EPHA8: variants seen among roughly 807,000 people sequenced by gnomAD.
The protein encoded by EPHA8 is ephrin type-A receptor 8.
Under a neutral mutation model 103.6 loss-of-function variants are expected in EPHA8, and 58 were observed. The observed-to-expected ratio is 0.56, with a 90% CI of 0.45 to 0.70. The LOEUF (loss-of-function observed/expected upper bound fraction) is 0.70. EPHA8 is among the 30% of genes least tolerant of loss of function. EPHA8 has a pLI of 0.00. For missense variants in EPHA8, 1,304 were observed against 1,395.2 expected (o/e 0.93, Z 1.04); for synonymous variants, 559 against 572.5 (o/e 0.98, Z 0.34).
intron 3 of EPHA8, among the ~76,000 whole-genome samples, chr1:22,582,702 C>T (rs1037726718): frequency 5.9e-5 from 9 of 152,278 alleles, no homozygotes; most frequent in Middle Eastern, 3.4e-3. Flanking sequence ...TCCACAACTC[C>T]GGATCCAGTG....
In EPHA8 at chr1:22,576,994, C is replaced by T; in HGVS notation, c.823+114C>T. 8.1e-7 allele frequency: 1 copy of T among 1,232,306 alleles called. No homozygotes were observed. The allele number at this position is 1,232,306 out of a possible 1,614,324, so 76.3% of individuals were successfully genotyped here. A position where few individuals can be genotyped will look rare whatever the true frequency, so the allele number is the denominator to read the frequency against. On this transcript the variant is annotated intron_variant, in intron 3 of 16. Transcript: ENST00000166244. This position sits in a 1 kb window ranked among gnomAD's most constrained non-coding sequence, Gnocchi z 4.8. ...CCCACAGGCACCTGAGTGACCCACA[C>T]AGCCCCTGGGAAGATGGATAAACCT...
rs1193659539 is a variant in EPHA8, at chr1:22,601,672, G to A, written c.2949G>A (p.Lys983=). The A allele has an allele frequency of 1.3e-6, 2 of 1,594,614 alleles. No individual in the cohort carries two copies. The highest frequency in any genetic ancestry group is 2.3e-5 in the South Asian group (2 of 88,226). The change falls in exon 17 of 17, where the codon AAG becomes AAA. Residue 983 remains lysine, a synonymous_variant. Coordinates refer to ENST00000166244, the MANE Select transcript of EPHA8 (RefSeq NM_020526.5). ...TCACCCTCATGGGCCACCAGAAGAA[G>A]ATCCTGGGCAGCATTCAGACCATGC... is the stretch of plus-strand genomic sequence containing the variant. ...LGITLMGHQK[K]ILGSIQTMRA... is the part of the protein sequence containing the mutation.
In EPHA8 at chr1:22,589,512, A is replaced by T. The variant is rs1040956282; in HGVS notation, c.1315+306A>T. 4 of 1,422,788 alleles carry T rather than the reference A, an allele frequency of 2.8e-6. No homozygotes were observed. Among genetic ancestry groups the T allele is most frequent in the Non-Finnish European group, 3.7e-6 (4 of 1,093,996 alleles). The allele number at this position is 1,422,788 out of a possible 1,614,324, so 88.1% of individuals were successfully genotyped here. On this transcript the variant is annotated intron_variant, in intron 5 of 16. Coordinates refer to ENST00000166244, the MANE Select transcript of EPHA8 (RefSeq NM_020526.5). The surrounding 1 kb of genome is among the most constrained non-coding windows in gnomAD (Gnocchi z 4.3). ...TTTCCTCCCTGGTGCAATGGGAATAATAGTACCTGCCTGAGGTCCTCTCAG... is the reference window on the plus strand; with the variant it reads ...TTTCCTCCCTGGTGCAATGGGAATATTAGTACCTGCCTGAGGTCCTCTCAG...
In EPHA8 at chr1:22,597,764, C is replaced by T; in HGVS notation, c.2019C>T (p.Tyr673=). 6.2e-7 allele frequency: 1 copy of T among 1,613,232 alleles called. No homozygotes were observed. Among genetic ancestry groups the T allele is most frequent in the Non-Finnish European group, 8.5e-7 (1 of 1,180,002 alleles). The part of the protein sequence containing the change: ...PVAIKALKAG[Y]TERQRRDFLS... ...CCATCAAGGCCCTCAAAGCCGGCTA[C>T]ACGGAGAGACAGAGGCGGGACTTCC... The change falls in exon 11 of 17, where the codon TAC becomes TAT. Residue 673 remains tyrosine, a synonymous_variant. Coordinates refer to ENST00000166244, the MANE Select transcript of EPHA8 (RefSeq NM_020526.5). This position sits in a 1 kb window ranked among gnomAD's most constrained non-coding sequence, Gnocchi z 4.6.
intron 2 of EPHA8, among the ~76,000 whole-genome samples, chr1:22,574,377 G>A (rs983854151): frequency 4.6e-5 from 7 of 152,202 alleles, no homozygotes; most frequent in Non-Finnish European, 8.8e-5. Context: ...GTGACATGTA[G>A]TGCATTCACA....
chr1:22,585,272 G>A (rs936123156), intron 3 of EPHA8, among the ~76,000 whole-genome samples: 1 of 152,120 alleles, frequency 6.6e-6, no homozygotes, highest in African/African-American at 2.4e-5. Flanking sequence ...CTCCAAGTGG[G>A]TTTTGGCTGG....
chr1:22,586,463 C>T lies in EPHA8; in HGVS notation c.824-17C>T, dbSNP rs371407590. ...GTGGCCCTGCTGGCTCATGTGCAGC[C>T]GCCTTCTCCTCCACAGCCTGTGAGC... is the stretch of plus-strand genomic sequence containing the variant. On this transcript the variant is annotated splice_polypyrimidine_tract_variant and intron_variant, in intron 3 of 16. Transcript: ENST00000166244. 101 of 1,611,260 alleles carry T rather than the reference C, an allele frequency of 6.3e-5. No individual in the cohort carries two copies. In the Admixed American group the frequency reaches 6.5e-4, roughly 10 times the overall value.
At position 22,569,554 on chromosome 1, in the gene EPHA8, C is replaced by T. The variant is rs893062911; in HGVS notation, c.159+201C>T. On this transcript the variant is annotated intron_variant, in intron 2 of 16. Coordinates refer to ENST00000166244, the MANE Select transcript of EPHA8 (RefSeq NM_020526.5). This position sits in a 1 kb window ranked among gnomAD's most constrained non-coding sequence, Gnocchi z 4.5. ...GACCCTTGAGATTACAGAACCAACCCTGGCACCAGATCCCTGATTCTTCAA... is the reference window on the plus strand; with the variant it reads ...GACCCTTGAGATTACAGAACCAACCTTGGCACCAGATCCCTGATTCTTCAA... 6.6e-6 allele frequency among the ~76,000 whole-genome samples: 1 copy of T among 152,228 alleles called. No homozygotes were observed. The highest frequency in any genetic ancestry group is 2.4e-5 in the African/African-American group (1 of 41,460).
At position 22,589,630 on chromosome 1, in the gene EPHA8, A is replaced by T; in HGVS notation, c.1315+424A>T. 8.1e-7 allele frequency: 1 copy of T among 1,228,992 alleles called. No individual in the cohort carries two copies. Among genetic ancestry groups the T allele is most frequent in the Non-Finnish European group, 1.0e-6 (1 of 986,050 alleles). 76.1% of individuals were successfully genotyped at this position (1,228,992 alleles called of 1,614,324 possible). ...GTCATTAAAAAATAAAATCACTCGG[A>T]TGATCATTTTCCAGAACAGCTGCTA... On this transcript the variant is annotated intron_variant, in intron 5 of 16. Transcript: ENST00000166244. The surrounding 1 kb of genome is among the most constrained non-coding windows in gnomAD (Gnocchi z 4.3).
rs1329029887 is a variant in EPHA8, at chr1:22,563,546, G to A, written c.-90G>A. On this transcript the variant is annotated 5_prime_UTR_variant, in exon 1 of 17. Coordinates refer to ENST00000166244, the MANE Select transcript of EPHA8 (RefSeq NM_020526.5). The surrounding 1 kb of genome is among the most constrained non-coding windows in gnomAD (Gnocchi z 4.4). ...GTGCGCCCGGCCGGGTGTGCGGAGA[G>A]CGAGGGAGCGCGCTCCCTCCCGACG... is the stretch of plus-strand genomic sequence containing the variant. 2 of 146,252 alleles carry A rather than the reference G, an allele frequency of 1.4e-5. No homozygotes were observed. The highest frequency in any genetic ancestry group is 4.0e-4 in the East Asian group (2 of 5,038). 9.1% of individuals were successfully genotyped at this position (146,252 alleles called of 1,614,324 possible).
chr1:22,597,512 GGGGCAAGGTGGGGGCACCCA>G lies in EPHA8; in HGVS notation c.1930+62_1930+81del, dbSNP rs765845041. On this transcript the variant is annotated intron_variant, in intron 10 of 16. Transcript: ENST00000166244. This position sits in a 1 kb window ranked among gnomAD's most constrained non-coding sequence, Gnocchi z 4.6. ...GGGGTTGTGAGGGCGGGGCCAGCAT[GGGGCAAGGTGGGGGCACCCA>G]GGGCAAGGTGGGGGCACCCAGGGCA... The G allele has an allele frequency of 3.8e-5, 60 of 1,598,392 alleles. 1 individual carries two copies. The highest frequency in any genetic ancestry group is 1.7e-4 in the Middle Eastern group (1 of 6,000).
chr1:22,578,781 G>T (rs1045081488), intron 3 of EPHA8, among the ~76,000 whole-genome samples: 10 of 151,448 alleles, frequency 6.6e-5, no homozygotes, highest in Admixed American at 3.3e-4. Flanking sequence ...GTGTACGTGT[G>T]GGCATATGTA....
Position 22,586,615 on chromosome 1 carries a change from C to A in EPHA8, c.959C>A (p.Pro320Gln). The change falls in exon 4 of 17, where the codon CCG becomes CAG. Residue 320 changes from proline to glutamine, a missense_variant. Physicochemically the swap from Pro to Gln is moderately conservative, Grantham distance 76. Coordinates refer to ENST00000166244, the MANE Select transcript of EPHA8 (RefSeq NM_020526.5). ...AGCTACTACCGTGCAGCCCTGGACCCGCCGTCCTCAGCCTGCACCCGTGAG... is the reference window on the plus strand; with the variant it reads ...AGCTACTACCGTGCAGCCCTGGACCAGCCGTCCTCAGCCTGCACCCGTGAG... Reference protein sequence around the residue: ...DLSYYRAALDPPSSACTRPPS... With the variant: ...DLSYYRAALDQPSSACTRPPS... 1 of 1,613,930 alleles carries A rather than the reference C, an allele frequency of 6.2e-7. No individual in the cohort carries two copies. The highest frequency in any genetic ancestry group is 1.1e-5 in the South Asian group (1 of 91,074).
intron 1 of EPHA8, among the ~76,000 whole-genome samples, chr1:22,566,181 C>T (rs1019840127): frequency 7.9e-5 from 12 of 152,236 alleles, no homozygotes; most frequent in African/African-American, 2.4e-4. Flanking sequence ...AGACGCCCCC[C>T]GGACCCCTGC....
intron 4 of EPHA8, 145 bp downstream of exon 4, chr1:22,586,780 T>TAGG: frequency 1.1e-6 from 1 of 923,630 alleles, no homozygotes; most frequent in Non-Finnish European, 1.6e-6. Context: ...CAGTCTGAGG[T>TAGG]GGGGGGGGTG....
Position 22,601,767 on chromosome 1 carries a change from C to T in EPHA8, c.*26C>T. On this transcript the variant is annotated 3_prime_UTR_variant, in exon 17 of 17. Transcript: ENST00000166244. ...TGTACAGCCAGCAGGGCCCAGGCAG[C>T]CACCAAGCCCACCCCAGGTCATGCC... The T allele has an allele frequency of 1.3e-6, 2 of 1,542,460 alleles. No individual in the cohort carries two copies. Among genetic ancestry groups the T allele is most frequent in the Non-Finnish European group, 1.8e-6 (2 of 1,141,588 alleles).
Position 22,576,436 on chromosome 1 carries a change from C to A in EPHA8, c.379C>A (p.Leu127Met). The A allele has an allele frequency of 1.9e-6, 3 of 1,614,076 alleles. No homozygotes were observed. The highest frequency in any genetic ancestry group is 2.5e-6 in the Non-Finnish European group (3 of 1,180,046). ...CAAGGAGACCTTCAACCTCTACTAC[C>A]TGGAGTCGGACCGCGACCTGGGGGC... ...TCKETFNLYY[L>M]ESDRDLGAST... Residue 127 changes from leucine (L) to methionine (M), a missense_variant, in exon 3 of 17, where the codon CTG (leucine) becomes ATG (methionine). Coordinates refer to ENST00000166244, the MANE Select transcript of EPHA8 (RefSeq NM_020526.5). The surrounding 1 kb of genome is among the most constrained non-coding windows in gnomAD (Gnocchi z 4.8).
intron 2 of EPHA8, among the ~76,000 whole-genome samples, chr1:22,573,296 G>A (rs1336681981): frequency 2.6e-5 from 4 of 152,184 alleles, no homozygotes; most frequent in Non-Finnish European, 5.9e-5. Flanking sequence ...AGGGCCATTC[G>A]TCAAGGGCCT....
rs758170369 is a variant in EPHA8 at position 22,589,180 on chromosome 1, T to G, written c.1289T>G (p.Val430Gly). 1 of 1,613,916 alleles carries G rather than the reference T, an allele frequency of 6.2e-7. No homozygotes were observed. Among genetic ancestry groups the G allele is most frequent in the East Asian group, 2.2e-5 (1 of 44,882 alleles). Residue 430 changes from valine (V) to glycine (G), a missense_variant, in exon 5 of 17, where the codon GTG (valine) becomes GGG (glycine). By Grantham distance (109) the Val-to-Gly change is moderately radical. Coordinates refer to ENST00000166244, the MANE Select transcript of EPHA8 (RefSeq NM_020526.5). This position sits in a 1 kb window ranked among gnomAD's most constrained non-coding sequence, Gnocchi z 4.3. The part of the protein sequence containing the change: ...DLSPEPRRAA[V>G]VNITTNQAAP... ...AGCCCCGAGCCCCGCCGGGCCGCTG[T>G]GGTCAACATCACCACGAACCAGGCA...
Sources: gnomAD v4.1 joint callset for allele counts (sites outside exome capture counted in the v4.1 genomes callset) on GRCh38, gnomAD v4.1.1 for gene constraint, Gnocchi (gnomAD v3.1) non-coding constraint, MANE v1.5 for transcripts, NCBI Gene and HGNC (gene_info 2026-07-23, HGNC 2026-07-21) for gene names.